S100B: variants seen among roughly 807,000 people sequenced by gnomAD.
The protein encoded by S100B is protein S100-B.
S100B carries 6 observed loss-of-function variants against 7.7 expected under a neutral mutation model. The ratio of observed to expected loss-of-function variants is 0.78; its 90% CI spans 0.43 to 1.54. The LOEUF is 1.54. Ranked by LOEUF, S100B falls within the 40% of genes most tolerant of loss-of-function variation. The pLI, the probability that S100B is intolerant of heterozygous loss-of-function variation, is 0.01. For synonymous variants in S100B, 36 were observed against 40.4 expected, an observed-to-expected ratio of 0.89 and a Z score of 0.41; for missense variants, 99 against 111.8, an observed-to-expected ratio of 0.89 and a Z score of 0.52.
chr21:46,602,832 A>G (rs1987814956), intron 1 of S100B: 1 of 158,274 alleles, frequency 6.3e-6, no homozygotes, highest in Non-Finnish European at 1.4e-5. Flanking sequence ...AGTGCAGGTG[A>G]GCAAACCATC....
intron 1 of S100B, among the ~76,000 whole-genome samples, chr21:46,603,395 G>GGGGGGCGGGGGGA (rs1569137668): frequency 7.1e-6 from 1 of 140,150 alleles, no homozygotes; most frequent in African/African-American, 2.6e-5. Flanking sequence ...CGGCGGGAGG[G>GGGGGGCGGGGGGA]GGTGGGGGCA....
In S100B at chr21:46,602,478, G is replaced by A. The variant is rs546748019; in HGVS notation, c.-1-62C>T. 4.9e-4 allele frequency: 755 copies of A among 1,540,606 alleles called. 9 individuals are homozygous for A. In the South Asian group the frequency reaches 8.3e-3, roughly 17 times the overall value. ...TACCTCATCCTAAAACATTTCATAT[G>A]TTATCAATACAGACCTCAACCCAGA... On this transcript the variant is annotated intron_variant, in intron 1 of 2. Transcript: ENST00000291700.
intron 1 of S100B, among the ~76,000 whole-genome samples, chr21:46,603,959 GTA>G (rs941344581): frequency 5.9e-5 from 9 of 152,114 alleles, no homozygotes; most frequent in Non-Finnish European, 1.5e-5. Flanking sequence ...ATGCATGTTT[GTA>G]TGTGTGTGTA....
intron 2 of S100B, chr21:46,600,175 G>T (rs1003090069): frequency 1.7e-5 from 5 of 290,126 alleles, no homozygotes; most frequent in African/African-American, 9.3e-5. Flanking sequence ...TAAATGCAGA[G>T]TAACAATTCT....
intron 1 of S100B, among the ~76,000 whole-genome samples, chr21:46,604,389 T>C (rs1484874889): frequency 6.6e-6 from 1 of 152,198 alleles, no homozygotes; most frequent in African/African-American, 2.4e-5. Flanking sequence ...AGGATCCCTC[T>C]AAAGAAGGGG....
chr21:46,600,322 A>C (rs2061037995), intron 2 of S100B: 1 of 427,292 alleles, frequency 2.3e-6, no homozygotes, highest in Non-Finnish European at 4.7e-6. Context: ...CAGGAGGATA[A>C]CTTGAGCACA....
chr21:46,600,487 A>G (rs1036290926), intron 2 of S100B: 14 of 350,150 alleles, frequency 4.0e-5, no homozygotes, highest in Admixed American at 3.9e-4. Flanking sequence ...TGAGGCTGCA[A>G]TGAGCCAAGA....
chr21:46,600,732 G>A (rs938310272), intron 2 of S100B, among the ~76,000 whole-genome samples: 3 of 152,156 alleles, frequency 2.0e-5, no homozygotes, highest in African/African-American at 7.2e-5. Flanking sequence ...TGCTTACCAT[G>A]AATTATTTAT....
chr21:46,602,656 G>A (rs994669388), intron 1 of S100B: 4 of 429,112 alleles, frequency 9.3e-6, no homozygotes, highest in African/African-American at 4.0e-5. Flanking sequence ...TGTGGGCCAC[G>A]GGGATATATT....
chr21:46,601,344 G>A (rs1165549083), intron 2 of S100B, among the ~76,000 whole-genome samples: 1 of 152,176 alleles, frequency 6.6e-6, no homozygotes, highest in Non-Finnish European at 1.5e-5. Flanking sequence ...GACCCAGGAA[G>A]CCCTTCACTA....
intron 2 of S100B, among the ~76,000 whole-genome samples, chr21:46,600,082 T>C (rs892893394): frequency 2.0e-5 from 3 of 152,206 alleles, no homozygotes; most frequent in Admixed American, 1.3e-4. Flanking sequence ...TTAAGTGATG[T>C]GCACAGCCTC....
chr21:46,600,976 G>A (rs939518992), intron 2 of S100B, among the ~76,000 whole-genome samples: 1 of 152,144 alleles, frequency 6.6e-6, no homozygotes, highest in Non-Finnish European at 1.5e-5. Flanking sequence ...TCACTCTGTC[G>A]GCTTGAATGC....
At chr21:46,604,272 C>T (rs969126669) in intron 1 of S100B, among the ~76,000 whole-genome samples, 4 of 152,080 alleles carry the variant, frequency 2.6e-5, no homozygotes, top group African/African-American at 7.2e-5. Flanking sequence ...AATAAATGTC[C>T]GTTTCTTTCT....
chr21:46,602,441 C>T (rs375156323), intron 1 of S100B, 25 bp from the exon 2 acceptor site: 3 of 1,608,510 alleles, frequency 1.9e-6, no homozygotes, highest in Non-Finnish European at 2.5e-6. Flanking sequence ...AGGAAAGTTG[C>T]CTTCTCATCT....
intron 2 of S100B, among the ~76,000 whole-genome samples, chr21:46,599,960 C>T (rs1335867170): frequency 6.6e-6 from 1 of 152,168 alleles, no homozygotes; most frequent in Non-Finnish European, 1.5e-5. Context: ...GGAACGTGGC[C>T]TACATTTGTT....
intron 2 of S100B, 35 bp from the exon 3 acceptor site, chr21:46,599,538 T>G (rs757144760): frequency 4.5e-5 from 73 of 1,606,700 alleles, no homozygotes; most frequent in Non-Finnish European, 6.2e-5. Flanking sequence ...GACCTTGTTT[T>G]TAAATGGAAT....
At chr21:46,599,846 C>T (rs2061036670) in intron 2 of S100B, among the ~76,000 whole-genome samples, 1 of 152,100 alleles carries the variant, frequency 6.6e-6, no homozygotes, top group Non-Finnish European at 1.5e-5. Context: ...ACTTTTGGCC[C>T]TCCTAAACTT....
chr21:46,604,373 C>T (rs970536121), intron 1 of S100B, among the ~76,000 whole-genome samples: 4 of 152,146 alleles, frequency 2.6e-5, no homozygotes, highest in African/African-American at 4.8e-5. Flanking sequence ...AGTTACCTAG[C>T]GTGTGAGGAT....
intron 2 of S100B, 81 bp downstream of exon 2, chr21:46,602,197 C>T: frequency 3.1e-6 from 4 of 1,291,400 alleles, no homozygotes; most frequent in South Asian, 2.8e-5. Flanking sequence ...ACCTTCAGGG[C>T]AGCTGAGAAG....
Sources: allele counts gnomAD v4.1 joint callset (sites outside exome capture counted in the v4.1 genomes callset), GRCh38; gene constraint gnomAD v4.1.1; transcripts MANE v1.5; gene names NCBI Gene and HGNC (gene_info 2026-07-23, HGNC 2026-07-21).